Variants in RSBN1L observed in about 807,000 individuals in gnomAD.
RSBN1L encodes lysine-specific demethylase RSBN1L.
Under a neutral mutation model 67.7 loss-of-function variants are expected in RSBN1L, and 30 were observed. The observed-to-expected ratio is 0.44, with a 90% CI of 0.33 to 0.60. RSBN1L has a LOEUF of 0.60. Among genes scored for constraint, RSBN1L ranks in the 20% least tolerant of loss-of-function variants. The probability of loss-of-function intolerance (pLI) is 0.02; values close to 1 mark genes in which losing one functional copy is unlikely to be tolerated. For missense variants in RSBN1L, 992 were observed against 1,031.7 expected (o/e 0.96, Z 0.53); for synonymous variants, 433 against 387.0 (o/e 1.12, Z -1.39).
At chr7:77,711,322 A>ATTTT (rs200143722) in intron 1 of RSBN1L, among the ~76,000 whole-genome samples, 2 of 138,628 alleles carry the variant, frequency 1.4e-5, no homozygotes, top group Admixed American at 1.5e-4. Flanking sequence ...TTGCATATTA[A>ATTTT]TTTTTTTTTT....
chr7:77,761,330 C>T (rs1255242281), intron 3 of RSBN1L, among the ~76,000 whole-genome samples: 1 of 152,136 alleles, frequency 6.6e-6, no homozygotes, highest in Non-Finnish European at 1.5e-5. Context: ...AATATAGGAA[C>T]TGATAGGTAA....
chr7:77,741,068 C>T (rs1003742184), intron 2 of RSBN1L, among the ~76,000 whole-genome samples: 1 of 147,678 alleles, frequency 6.8e-6, no homozygotes, highest in African/African-American at 2.5e-5. Flanking sequence ...CTCACTGTAA[C>T]CTCTGTTTCC....
intron 1 of RSBN1L, among the ~76,000 whole-genome samples, chr7:77,716,624 CTT>C (rs61611975): frequency 1.9e-3 from 145 of 75,294 alleles, no homozygotes; most frequent in African/African-American, 6.8e-3. Flanking sequence ...GTATCTTCAT[CTT>C]TTTTTTTTTT....
intron 2 of RSBN1L, among the ~76,000 whole-genome samples, chr7:77,746,607 C>T (rs1791487727): frequency 1.3e-5 from 2 of 152,120 alleles, no homozygotes; most frequent in South Asian, 4.1e-4. Context: ...TGCCAACAGT[C>T]CCCCCAAATC....
chr7:77,745,382 A>G (rs1791468756), intron 2 of RSBN1L, among the ~76,000 whole-genome samples: 1 of 152,208 alleles, frequency 6.6e-6, no homozygotes, highest in African/African-American at 2.4e-5. Context: ...TTATGTAGCA[A>G]TATGCCAGAT....
intron 1 of RSBN1L, among the ~76,000 whole-genome samples, chr7:77,721,457 A>C: frequency 6.6e-6 from 1 of 152,192 alleles, no homozygotes; most frequent in East Asian, 1.9e-4. Context: ...GAGCAGTTAT[A>C]CAAAAAATCA....
Position 77,773,146 on chromosome 7 carries a change from G to A in RSBN1L, c.1626-1G>A. On this transcript the variant is annotated splice_acceptor_variant, in intron 5 of 7. Coordinates refer to ENST00000334955, the MANE Select transcript of RSBN1L (RefSeq NM_198467.3). LOFTEE classifies it high-confidence loss of function. ...TGTAATTTTCTTTTTTTAAAAAACA[G>A]AACTACCAATGAAATAAAAAATCTT... 6.4e-7 allele frequency: 1 copy of A among 1,553,424 alleles called. No homozygotes were observed. The highest frequency in any genetic ancestry group is 8.7e-7 in the Non-Finnish European group (1 of 1,149,080).
chr7:77,732,507 T>C (rs1398681800), intron 1 of RSBN1L, among the ~76,000 whole-genome samples: 1 of 152,140 alleles, frequency 6.6e-6, no homozygotes, highest in Admixed American at 6.5e-5. Flanking sequence ...TAATTTTTTA[T>C]ATTTTTAGTA....
At chr7:77,701,524 C>T (rs923019080) in intron 1 of RSBN1L, among the ~76,000 whole-genome samples, 1 of 152,062 alleles carries the variant, frequency 6.6e-6, no homozygotes, top group Non-Finnish European at 1.5e-5. Context: ...CGTCTGATCT[C>T]CAAAAAGTTG....
At chr7:77,716,060 T>A (rs766991613) in intron 1 of RSBN1L, among the ~76,000 whole-genome samples, 52 of 152,168 alleles carry the variant, frequency 3.4e-4, no homozygotes, top group African/African-American at 1.2e-3. Flanking sequence ...TCTTAATACT[T>A]TCACAGTTTT....
At chr7:77,773,741 T>A (rs1271379219) in intron 6 of RSBN1L, among the ~76,000 whole-genome samples, 2 of 152,106 alleles carry the variant, frequency 1.3e-5, no homozygotes, top group Admixed American at 1.3e-4. Context: ...CCAGCCTGGG[T>A]GACAGAGCAA....
intron 3 of RSBN1L, among the ~76,000 whole-genome samples, chr7:77,752,150 A>C (rs1192291405): frequency 6.6e-6 from 1 of 152,184 alleles, no homozygotes; most frequent in East Asian, 1.9e-4. Flanking sequence ...TGTGGATCTC[A>C]AGTCCTTGAT....
chr7:77,724,571 G>A (rs1380735781), intron 1 of RSBN1L, among the ~76,000 whole-genome samples: 5 of 148,822 alleles, frequency 3.4e-5, no homozygotes, highest in African/African-American at 9.9e-5. Flanking sequence ...GATTACAGAC[G>A]TGCATCACCA....
At chr7:77,721,169 T>G (rs1791114576) in intron 1 of RSBN1L, among the ~76,000 whole-genome samples, 2 of 152,078 alleles carry the variant, frequency 1.3e-5, no homozygotes, top group African/African-American at 4.8e-5. Context: ...ATTTTTAATT[T>G]AATTGGAGAG....
intron 1 of RSBN1L, among the ~76,000 whole-genome samples, chr7:77,708,174 G>A (rs2150412567): frequency 6.6e-6 from 1 of 152,198 alleles, no homozygotes; most frequent in South Asian, 2.1e-4. Flanking sequence ...TAGAATTTAG[G>A]TAAATGGAGA....
At position 77,723,310 on chromosome 7, in the gene RSBN1L, A is replaced by G. The variant is rs116351539; in HGVS notation, c.587-13100A>G. 3.8e-3 allele frequency among the ~76,000 whole-genome samples: 576 copies of G among 152,144 alleles called. 4 individuals are homozygous for G. Among genetic ancestry groups the G allele is most frequent in the African/African-American group, 0.013 (547 of 41,532 alleles). On this transcript the variant is annotated intron_variant, in intron 1 of 7. Transcript: ENST00000334955. ...CAGTGTGGATTTTTATGATGCTGTA[A>G]TTTCTTAAAAAAATTAATGAACCTA...
chr7:77,740,967 A>G (rs1320623389), intron 2 of RSBN1L, among the ~76,000 whole-genome samples: 2 of 148,324 alleles, frequency 1.3e-5, no homozygotes, highest in African/African-American at 5.0e-5. Context: ...TCTCCCATCA[A>G]CATTTTTCTT....
Position 77,779,758 on chromosome 7 carries a change from A to G in RSBN1L, c.*590A>G, listed in dbSNP as rs1791973334. 1.3e-5 allele frequency: 2 copies of G among 151,168 alleles called. No homozygotes were observed. The highest frequency in any genetic ancestry group is 4.9e-5 in the African/African-American group (2 of 41,140). 9.4% of individuals were successfully genotyped at this position (151,168 alleles called of 1,614,324 possible). On this transcript the variant is annotated 3_prime_UTR_variant, in exon 8 of 8. Coordinates refer to ENST00000334955, the MANE Select transcript of RSBN1L (RefSeq NM_198467.3). ...GTATATCTATTTAGTGTGGTATTGT[A>G]GTGCAAATGTACGTAATTCAAATCT...
At chr7:77,716,364 C>T (rs545642401) in intron 1 of RSBN1L, among the ~76,000 whole-genome samples, 1 of 151,086 alleles carries the variant, frequency 6.6e-6, no homozygotes, top group African/African-American at 2.4e-5. Flanking sequence ...CTTTTGTCAC[C>T]CAGGCTGCAG....
Sources: gnomAD v4.1 joint callset for allele counts (sites outside exome capture counted in the v4.1 genomes callset) on GRCh38, gnomAD v4.1.1 for gene constraint, MANE v1.5 for transcripts, NCBI Gene and HGNC (gene_info 2026-07-23, HGNC 2026-07-21) for gene names.